Variants in HECW2 observed in about 807,000 individuals in gnomAD.
The protein encoded by HECW2 is E3 ubiquitin-protein ligase HECW2.
Under a neutral mutation model 175.2 loss-of-function variants are expected in HECW2, and 61 were observed. The observed-to-expected ratio is 0.35, with a 90% CI of 0.28 to 0.43. The LOEUF is 0.43. HECW2 is among the 20% of genes least tolerant of loss of function. The pLI, the probability that HECW2 is intolerant of heterozygous loss-of-function variation, is 1.00. For synonymous variants in HECW2, 671 were observed against 731.0 expected (o/e 0.92, Z 1.32); for missense variants, 1,524 against 2,000.5 (o/e 0.76, Z 4.54).
chr2:196,251,455 C>T (rs146298449), intron 19 of HECW2, among the ~76,000 whole-genome samples: 31 of 152,298 alleles, frequency 2.0e-4, no homozygotes, highest in Admixed American at 7.2e-4. Context: ...CTCTCCTGTG[C>T]GCCATGGCTG....
chr2:196,342,926 G>A (rs1441496540), intron 3 of HECW2, among the ~76,000 whole-genome samples: 2 of 150,488 alleles, frequency 1.3e-5, no homozygotes, highest in East Asian at 3.9e-4. Context: ...ATAAAAATGT[G>A]TAAAGTATTA....
intron 2 of HECW2, among the ~76,000 whole-genome samples, chr2:196,404,797 CT>C (rs1035740886): frequency 6.0e-5 from 8 of 133,694 alleles, no homozygotes; most frequent in African/African-American, 1.9e-4. Flanking sequence ...GGTAATATTT[CT>C]TTTTTTTTCT....
intron 15 of HECW2, among the ~76,000 whole-genome samples, chr2:196,275,695 T>C (rs1055620855): frequency 2.0e-5 from 3 of 150,958 alleles, no homozygotes; most frequent in Non-Finnish European, 4.4e-5. Context: ...GTGGTTGCAG[T>C]GAGCAAAGAT....
At chr2:196,285,417 A>G (rs1385539279) in intron 14 of HECW2, among the ~76,000 whole-genome samples, 1 of 152,228 alleles carries the variant, frequency 6.6e-6, no homozygotes, top group Non-Finnish European at 1.5e-5. Flanking sequence ...TTCTTTCTGT[A>G]AAGAGTTATG....
chr2:196,307,014 C>T, intron 12 of HECW2, 116 bp downstream of exon 12: 2 of 647,114 alleles, frequency 3.1e-6, no homozygotes, highest in South Asian at 2.2e-5. Flanking sequence ...GTTGGATTAC[C>T]AGATCTTATT....
chr2:196,289,934 T>C (rs62184607), intron 14 of HECW2: 38,996 of 151,994 alleles, frequency 0.26, 5,900 homozygotes, highest in African/African-American at 0.42. Context: ...GAGAATCGCA[T>C]GGAGATAAAT....
intron 17 of HECW2, 91 bp from the exon 18 acceptor site, chr2:196,257,997 TG>T: frequency 1.2e-6 from 1 of 867,660 alleles, no homozygotes; most frequent in Non-Finnish European, 1.9e-6. Flanking sequence ...ATAGTCATGA[TG>T]TTTTTTGGTA....
rs201876250 is a variant in HECW2 at position 196,201,385 on chromosome 2, C to G, written c.4611G>C (p.Ala1537=). The G allele has an allele frequency of 3.7e-6, 6 of 1,608,000 alleles. No homozygotes were observed. The highest frequency in any genetic ancestry group is 5.1e-6 in the Non-Finnish European group (6 of 1,174,622). ...GATCCAGACGGTTAAAACATGTATG[C>G]GCTCTGAAAACACAAGAAACAGCAC... ...KWGKITALPR[A]HTCFNRLDLP... is the part of the protein sequence containing the mutation. Residue 1537 remains alanine (A), a synonymous_variant, in exon 29 of 29, where the codon GCG becomes GCC. Transcript: ENST00000644978.
rs553810268 is a variant in HECW2 at position 196,284,453 on chromosome 2, C to A, written c.3001-5791G>T. 1.2e-4 allele frequency among the ~76,000 whole-genome samples: 19 copies of A among 152,352 alleles called. No homozygotes were observed. In the South Asian group the frequency reaches 2.5e-3, roughly 20 times the overall value. ...CAGCTAGGGCACTGACTGAATATAG[C>A]ACTTCTAAGGAGCAATCCCTTGGTG... On this transcript the variant is annotated intron_variant, in intron 14 of 28. Coordinates refer to ENST00000644978, the MANE Select transcript of HECW2 (RefSeq NM_001348768.2).
At chr2:196,446,465 G>A (rs10177234) in intron 1 of HECW2, among the ~76,000 whole-genome samples, 18,440 of 152,206 alleles carry the variant, frequency 0.12, 1,407 homozygotes, top group African/African-American at 0.22. Flanking sequence ...TTCATGAGGA[G>A]TCAGAAATGA....
At chr2:196,248,597 G>GACAGAC (rs1553636701) in intron 19 of HECW2, among the ~76,000 whole-genome samples, 14 of 144,036 alleles carry the variant, frequency 9.7e-5, no homozygotes, top group Non-Finnish European at 1.7e-4. Flanking sequence ...GAGACAGACA[G>GACAGAC]ACACACACAC....
chr2:196,425,126 A>G (rs1207945442), intron 2 of HECW2, among the ~76,000 whole-genome samples: 2 of 152,086 alleles, frequency 1.3e-5, no homozygotes, highest in Admixed American at 6.5e-5. Context: ...TGGAACAACA[A>G]AGCCAAAATG....
chr2:196,553,882 C>G (rs962712633), intron 1 of HECW2, among the ~76,000 whole-genome samples: 1 of 152,200 alleles, frequency 6.6e-6, no homozygotes, highest in Non-Finnish European at 1.5e-5. Context: ...TATTTATGTG[C>G]TAGTGTCACT....
intron 15 of HECW2, among the ~76,000 whole-genome samples, chr2:196,278,151 TAAAGAA>T (rs1690045610): frequency 8.2e-6 from 1 of 121,390 alleles, no homozygotes; most frequent in Non-Finnish European, 1.8e-5. Context: ...TATATATATA[TAAAGAA>T]ATTCCACATT....
chr2:196,361,337 C>T (rs935016023), intron 2 of HECW2, among the ~76,000 whole-genome samples: 1 of 152,174 alleles, frequency 6.6e-6, no homozygotes, highest in African/African-American at 2.4e-5. Context: ...TCTATGAATA[C>T]TTGTCCATTT....
intron 28 of HECW2, among the ~76,000 whole-genome samples, chr2:196,209,162 T>C (rs892711850): frequency 4.6e-5 from 7 of 152,234 alleles, no homozygotes; most frequent in African/African-American, 1.7e-4. Context: ...ACTTGTGAAA[T>C]AGCTCTCAAG....
chr2:196,379,685 A>AAAAG, intron 2 of HECW2, among the ~76,000 whole-genome samples: 1 of 33,396 alleles, frequency 3.0e-5, no homozygotes, highest in African/African-American at 7.0e-5. Flanking sequence ...ACTCCGTCTC[A>AAAAG]AAAAAAAAAA....
At chr2:196,395,715 T>TA (rs1553512651) in intron 2 of HECW2, among the ~76,000 whole-genome samples, 11,165 of 150,102 alleles carry the variant, frequency 0.074, 619 homozygotes, top group African/African-American at 0.15. Context: ...TTTTTTTTTT[T>TA]AAAAAAAGAA....
In HECW2 at chr2:196,274,142, T is replaced by C; in HGVS notation, c.3136-19A>G. The stretch of plus-strand genomic sequence containing the variant: ...CTCCTACCTGCAAACAGAAGCATCA[T>C]TTATGTTCTGCACCAAGAGCCAGAA... On this transcript the variant is annotated intron_variant, in intron 15 of 28. Transcript: ENST00000644978. 6.3e-7 allele frequency: 1 copy of C among 1,580,156 alleles called. No individual in the cohort carries two copies. The highest frequency in any genetic ancestry group is 1.1e-5 in the South Asian group (1 of 90,194).
Sources: gnomAD v4.1 joint callset for allele counts (sites outside exome capture counted in the v4.1 genomes callset) on GRCh38, gnomAD v4.1.1 for gene constraint, MANE v1.5 for transcripts, NCBI Gene and HGNC (gene_info 2026-07-23, HGNC 2026-07-21) for gene names.